Variants in GTF2E2 observed in about 807,000 individuals in gnomAD.
GTF2E2 encodes transcription initiation factor IIE subunit beta.
GTF2E2 carries 21 observed loss-of-function variants against 40.5 expected under a neutral mutation model. That is an observed-to-expected ratio of 0.52 (90% confidence interval 0.37 to 0.75). The LOEUF (loss-of-function observed/expected upper bound fraction) is 0.75, where lower values mean the gene tolerates loss of function less well. Among genes scored for constraint, GTF2E2 ranks in the 30% least tolerant of loss-of-function variants. The probability of loss-of-function intolerance (pLI) is 0.00; values close to 1 mark genes in which losing one functional copy is unlikely to be tolerated. For missense variants in GTF2E2, 298 were observed against 338.4 expected (o/e 0.88, Z 0.94); for synonymous variants, 117 against 121.6 (o/e 0.96, Z 0.25).
chr8:30,606,820 G>A (rs911681784), intron 6 of GTF2E2, among the ~76,000 whole-genome samples: 8 of 152,124 alleles, frequency 5.3e-5, no homozygotes, highest in Non-Finnish European at 1.0e-4. Flanking sequence ...TAAACATTAA[G>A]AAATCCTGAA....
At chr8:30,645,961 G>A (rs1802060011) in intron 2 of GTF2E2, 1 of 169,842 alleles carries the variant, frequency 5.9e-6, no homozygotes, top group South Asian at 1.8e-4. Context: ...AAAAAATAGT[G>A]TGTTGGTAAC....
intron 3 of GTF2E2, among the ~76,000 whole-genome samples, chr8:30,624,549 A>C (rs1366649955): frequency 1.3e-5 from 2 of 152,130 alleles, no homozygotes; most frequent in Admixed American, 6.5e-5. Flanking sequence ...TTCTGTGAAG[A>C]AAGTCATTGG....
intron 6 of GTF2E2, among the ~76,000 whole-genome samples, chr8:30,593,903 C>T (rs1355816962): frequency 2.6e-5 from 4 of 152,054 alleles, no homozygotes; most frequent in Non-Finnish European, 4.4e-5. Flanking sequence ...CATGCTTTTA[C>T]TTTTAACCTG....
chr8:30,652,283 C>T (rs1487833868), intron 2 of GTF2E2, among the ~76,000 whole-genome samples: 2 of 152,006 alleles, frequency 1.3e-5, no homozygotes, highest in African/African-American at 4.8e-5. Flanking sequence ...GATAAAATGA[C>T]AAGCACTTGC....
intron 6 of GTF2E2, among the ~76,000 whole-genome samples, chr8:30,595,249 AC>A (rs1828967796): frequency 6.6e-6 from 1 of 152,172 alleles, no homozygotes; most frequent in African/African-American, 2.4e-5. Context: ...ATCCCTTCTG[AC>A]CTTTAAGCTA....
Position 30,599,077 on chromosome 8 carries a change from T to C in GTF2E2, c.643+7980A>G, listed in dbSNP as rs1464936260. On this transcript the variant is annotated intron_variant, in intron 6 of 7. Transcript: ENST00000355904. ...AAGTCAACTAAAAACACCCAATCAG[T>C]ATTTATGAGGACATGAAGAAATAAG... 9.2e-5 allele frequency among the ~76,000 whole-genome samples: 14 copies of C among 152,224 alleles called. No homozygotes were observed. In the East Asian group the frequency reaches 2.5e-3, roughly 27 times the overall value.
intron 6 of GTF2E2, among the ~76,000 whole-genome samples, chr8:30,585,787 A>G (rs1315595700): frequency 6.7e-6 from 1 of 149,344 alleles, no homozygotes; most frequent in Non-Finnish European, 1.5e-5. Flanking sequence ...AAAAAAAAAA[A>G]AAAAAAAAAA....
chr8:30,604,386 C>T (rs74813594), intron 6 of GTF2E2, among the ~76,000 whole-genome samples: 1,736 of 152,226 alleles, frequency 0.011, 27 homozygotes, highest in African/African-American at 0.038. Context: ...AAAATATTTT[C>T]TCAATTTACT....
At chr8:30,614,416 C>A (rs919020499) in intron 4 of GTF2E2, among the ~76,000 whole-genome samples, 192 bp downstream of exon 4, 1 of 152,134 alleles carries the variant, frequency 6.6e-6, no homozygotes, top group South Asian at 2.1e-4. Context: ...CCCGTCTCTA[C>A]TAAAAACACA....
chr8:30,628,606 T>G (rs540896180), intron 3 of GTF2E2, among the ~76,000 whole-genome samples: 2 of 152,320 alleles, frequency 1.3e-5, no homozygotes, highest in East Asian at 3.9e-4. Context: ...CTCTACTAAT[T>G]TGCTGCAAGT....
chr8:30,580,857 T>A (rs774426171), intron 6 of GTF2E2, among the ~76,000 whole-genome samples: 2 of 152,126 alleles, frequency 1.3e-5, no homozygotes, highest in African/African-American at 4.8e-5. Flanking sequence ...AAAAAGACTT[T>A]TGAAATCAAA....
At chr8:30,580,770 T>C (rs1267647761) in intron 6 of GTF2E2, among the ~76,000 whole-genome samples, 2 of 152,090 alleles carry the variant, frequency 1.3e-5, no homozygotes, top group African/African-American at 2.4e-5. Flanking sequence ...TCATTGATAA[T>C]AGAAAATAAG....
At chr8:30,613,494 AAG>A (rs1563487909) in intron 4 of GTF2E2, among the ~76,000 whole-genome samples, 2 of 152,232 alleles carry the variant, frequency 1.3e-5, no homozygotes, top group South Asian at 2.1e-4. Flanking sequence ...TGAAAGGAGA[AAG>A]AGAAGAAACA....
intron 6 of GTF2E2, among the ~76,000 whole-genome samples, chr8:30,583,618 G>A (rs1434049509): frequency 1.2e-4 from 18 of 152,072 alleles, no homozygotes; most frequent in Non-Finnish European, 2.2e-4. Flanking sequence ...AGACTCAAGC[G>A]ATCCACCTGC....
intron 2 of GTF2E2, among the ~76,000 whole-genome samples, chr8:30,638,325 G>A (rs1275719044): frequency 6.6e-6 from 1 of 152,086 alleles, no homozygotes; most frequent in African/African-American, 2.4e-5. Flanking sequence ...ATTCACTGAA[G>A]GATCTGAAAT....
chr8:30,657,723 GCA>G (rs1802488994), intron 1 of GTF2E2: 2 of 152,352 alleles, frequency 1.3e-5, no homozygotes, highest in African/African-American at 2.4e-5. Flanking sequence ...CTTGGAAGAG[GCA>G]CAGTCAGGCG....
intron 2 of GTF2E2, among the ~76,000 whole-genome samples, chr8:30,636,590 C>T (rs546246943): frequency 6.6e-6 from 1 of 152,176 alleles, no homozygotes; most frequent in South Asian, 2.1e-4. Context: ...ACCATGTTTC[C>T]AAAAGTAACA....
intron 3 of GTF2E2, among the ~76,000 whole-genome samples, chr8:30,623,828 C>T (rs2151138053): frequency 6.6e-6 from 1 of 152,100 alleles, no homozygotes; most frequent in African/African-American, 2.4e-5. Context: ...TGAGATGTAT[C>T]TGTTCGTATC....
intron 6 of GTF2E2, among the ~76,000 whole-genome samples, chr8:30,593,636 A>G (rs905780080): frequency 6.6e-6 from 1 of 152,076 alleles, no homozygotes; most frequent in Non-Finnish European, 1.5e-5. Context: ...CTACGAGACT[A>G]CAGGTGCACA....
Sources: gnomAD v4.1 joint callset for allele counts (sites outside exome capture counted in the v4.1 genomes callset) on GRCh38, gnomAD v4.1.1 for gene constraint, MANE v1.5 for transcripts, NCBI Gene and HGNC (gene_info 2026-07-23, HGNC 2026-07-21) for gene names.